Variants in MPV17L observed in about 807,000 individuals in gnomAD.
MPV17L encodes mpv17-like protein.
MPV17L carries 24 observed loss-of-function variants against 25.8 expected under a neutral mutation model. The ratio of observed to expected loss-of-function variants is 0.93; its 90% confidence interval spans 0.67 to 1.31. The LOEUF (loss-of-function observed/expected upper bound fraction) is 1.31. Among genes scored for constraint, MPV17L ranks in the 50% most tolerant of loss-of-function variants. The pLI, the probability that MPV17L is intolerant of heterozygous loss-of-function variation, is 0.00. For synonymous variants in MPV17L, 102 were observed against 115.3 expected, an observed-to-expected ratio of 0.88 and a Z score of 0.74; for missense variants, 250 against 265.6, an observed-to-expected ratio of 0.94 and a Z score of 0.41.
In MPV17L at chr16:15,411,068, T is replaced by C. The variant is rs112764345; in HGVS notation, c.*2956T>C. 3.3e-5 allele frequency: 5 copies of C among 152,178 alleles called. No individual in the cohort carries two copies. Among genetic ancestry groups the C allele is most frequent in the African/African-American group, 1.2e-4 (5 of 41,506 alleles). The allele number at this position is 152,178 out of a possible 1,614,324, so 9.4% of individuals were successfully genotyped here. A position where few individuals can be genotyped will look rare whatever the true frequency, so the allele number is the denominator to read the frequency against. On this transcript the variant is annotated 3_prime_UTR_variant, in exon 4 of 4. Transcript: ENST00000396385. ...TAACATGGTGAAACGCCATCTCTAC[T>C]AAAAATACAAAAAATTAGCTGGGCA...
At chr16:15,402,159 A>G (rs1315822584) in intron 2 of MPV17L, among the ~76,000 whole-genome samples, 6 of 152,156 alleles carry the variant, frequency 3.9e-5, no homozygotes, top group Admixed American at 2.0e-4. Context: ...TTTGAAGCAA[A>G]TCAGCATTTT....
rs2050703677 is a variant in MPV17L, at chr16:15,408,609, T to G, written c.*497T>G. 2 of 145,258 alleles carry G rather than the reference T, an allele frequency of 1.4e-5. No individual in the cohort carries two copies. The highest frequency in any genetic ancestry group is 7.0e-5 in the Admixed American group (1 of 14,260). The allele number at this position is 145,258 out of a possible 1,614,324, so 9.0% of individuals were successfully genotyped here. On this transcript the variant is annotated 3_prime_UTR_variant, in exon 4 of 4. Transcript: ENST00000396385. ...GTTATTTTAGTAAATACCTTTTTTT[T>G]TTTTTTTTTTTTTGTGGTGGAGTCT...
rs1252526415 is a variant in MPV17L, at chr16:15,410,489, T to C, written c.*2377T>C. On this transcript the variant is annotated 3_prime_UTR_variant, in exon 4 of 4. Transcript: ENST00000396385. ...TGGCATGAACCCGGGAGGCAGAGAT[T>C]GCAGTGAGCTGAGATTGTGCCACTG... 1 of 152,070 alleles carries C rather than the reference T, an allele frequency of 6.6e-6. No individual in the cohort carries two copies. Among genetic ancestry groups the C allele is most frequent in the African/African-American group, 2.4e-5 (1 of 41,396 alleles). 9.4% of individuals were successfully genotyped at this position (152,070 alleles called of 1,614,324 possible).
Position 15,409,895 on chromosome 16 carries a change from C to A in MPV17L, c.*1783C>A, listed in dbSNP as rs2150909451. 6.6e-6 allele frequency: 1 copy of A among 152,280 alleles called. No homozygotes were observed. The highest frequency in any genetic ancestry group is 1.5e-5 in the Non-Finnish European group (1 of 68,022). The allele number at this position is 152,280 out of a possible 1,614,324, so 9.4% of individuals were successfully genotyped here. On this transcript the variant is annotated 3_prime_UTR_variant, in exon 4 of 4. Transcript: ENST00000396385. Reference sequence around the variant, plus strand: ...GTAGAATGTATTTTATTGATGTCTTCTATTTTTATAATTTTTAATGAATGC... The same window carrying A: ...GTAGAATGTATTTTATTGATGTCTTATATTTTTATAATTTTTAATGAATGC...
intron 2 of MPV17L, among the ~76,000 whole-genome samples, chr16:15,403,530 T>C (rs546420212): frequency 1.3e-5 from 2 of 151,628 alleles, no homozygotes; most frequent in African/African-American, 2.4e-5. Context: ...ATAAATTAGC[T>C]GGGCATAGTT....
At chr16:15,400,579 G>T (rs1270259701) in intron 1 of MPV17L, among the ~76,000 whole-genome samples, 2 of 151,950 alleles carry the variant, frequency 1.3e-5, no homozygotes, top group East Asian at 3.9e-4. Context: ...TTAACTCCTG[G>T]ACTCAAGCAA....
chr16:15,404,926 G>A (rs1189052902), intron 2 of MPV17L, among the ~76,000 whole-genome samples: 4 of 152,212 alleles, frequency 2.6e-5, no homozygotes, highest in Admixed American at 2.6e-4. Context: ...GAAGCACAGA[G>A]GAGAGTTCAT....
chr16:15,408,056 T>G lies in MPV17L; in HGVS notation c.535T>G (p.Phe179Val), dbSNP rs1198011898. 2 of 1,613,540 alleles carry G rather than the reference T, an allele frequency of 1.2e-6. No individual in the cohort carries two copies. ...TGGTGACGGCACATTCAAGTCAGCTTTCACCATTTTATATACAAAGGGGAC... is the reference window on the plus strand; with the variant it reads ...TGGTGACGGCACATTCAAGTCAGCTGTCACCATTTTATATACAAAGGGGAC... ...QSGDGTFKSA[F>V]TILYTKGTSA... The change falls in exon 4 of 4, where the codon TTC (phenylalanine) becomes GTC (valine). Residue 179 changes from phenylalanine (F) to valine (V), a missense_variant. Physicochemically the swap from Phe to Val is conservative, Grantham distance 50. Transcript: ENST00000396385.
At chr16:15,398,596 T>TTC (rs2050607279) in intron 1 of MPV17L, among the ~76,000 whole-genome samples, 1 of 150,630 alleles carries the variant, frequency 6.6e-6, no homozygotes, top group East Asian at 1.9e-4. Context: ...CTTTCTTTTT[T>TTC]TTTTTTTTTG....
At chr16:15,399,301 C>T in intron 1 of MPV17L, 1 of 410,278 alleles carries the variant, frequency 2.4e-6, no homozygotes, top group South Asian at 1.8e-5. Context: ...CTTATATTCC[C>T]TCCCTCCTAA....
chr16:15,397,405 T>C (rs1024420733), intron 1 of MPV17L, among the ~76,000 whole-genome samples: 1 of 152,064 alleles, frequency 6.6e-6, no homozygotes, highest in African/African-American at 2.4e-5. Flanking sequence ...CCGCCCAGGG[T>C]TGGGGAAGAA....
At chr16:15,403,294 G>A (rs1377121530) in intron 2 of MPV17L, among the ~76,000 whole-genome samples, 6 of 151,102 alleles carry the variant, frequency 4.0e-5, no homozygotes, top group Non-Finnish European at 7.4e-5. Context: ...ACTTGAACCC[G>A]GGAGGCAGAG....
rs559552708 is a variant in MPV17L at position 15,408,869 on chromosome 16, C to G, written c.*757C>G. ...GTGAGATCTCGGCTCACTGCAAGCT[C>G]CGCCTCCCGGGTTCACGCCATTCTG... On this transcript the variant is annotated 3_prime_UTR_variant, in exon 4 of 4. Transcript: ENST00000396385. 1.3e-5 allele frequency: 2 copies of G among 151,614 alleles called. No homozygotes were observed. The highest frequency in any genetic ancestry group is 4.9e-5 in the African/African-American group (2 of 41,232). The allele number at this position is 151,614 out of a possible 1,614,324, so 9.4% of individuals were successfully genotyped here.
rs1288353914 is a variant in MPV17L at position 15,411,750 on chromosome 16, T to A, written c.*3638T>A. ...AGGTGGATCGGTTGAGGTCAGGAGT[T>A]CAAGACCAGCATGGCCAACACAGTG... On this transcript the variant is annotated 3_prime_UTR_variant, in exon 4 of 4. Coordinates refer to ENST00000396385, the MANE Select transcript of MPV17L (RefSeq NM_001128423.2). 6.6e-6 allele frequency: 1 copy of A among 151,748 alleles called. No homozygotes were observed. The highest frequency in any genetic ancestry group is 2.4e-5 in the African/African-American group (1 of 41,290). 9.4% of individuals were successfully genotyped at this position (151,748 alleles called of 1,614,324 possible). A position where few individuals can be genotyped will look rare whatever the true frequency, so the allele number is the denominator to read the frequency against.
intron 2 of MPV17L, among the ~76,000 whole-genome samples, chr16:15,401,082 ATATATTT>A (rs1191384930): frequency 3.1e-5 from 1 of 32,620 alleles, no homozygotes; most frequent in African/African-American, 8.4e-5. Flanking sequence ...ATATATATAT[ATATATTT>A]TTTTTTTTTT....
chr16:15,410,833 G>A lies in MPV17L; in HGVS notation c.*2721G>A, dbSNP rs375256890. On this transcript the variant is annotated 3_prime_UTR_variant, in exon 4 of 4. Coordinates refer to ENST00000396385, the MANE Select transcript of MPV17L (RefSeq NM_001128423.2). ...TATATTTTACATTATTGGGACCATAGTACAGAAATTTCTAAATGGTTTGTA... is the reference window on the plus strand; with the variant it reads ...TATATTTTACATTATTGGGACCATAATACAGAAATTTCTAAATGGTTTGTA... 3.9e-5 allele frequency: 6 copies of A among 152,142 alleles called. No individual in the cohort carries two copies. Among genetic ancestry groups the A allele is most frequent in the African/African-American group, 1.4e-4 (6 of 41,418 alleles). The allele number at this position is 152,142 out of a possible 1,614,324, so 9.4% of individuals were successfully genotyped here. A position where few individuals can be genotyped will look rare whatever the true frequency, so the allele number is the denominator to read the frequency against.
chr16:15,402,486 T>C (rs1288283847), intron 2 of MPV17L, among the ~76,000 whole-genome samples: 2 of 152,160 alleles, frequency 1.3e-5, no homozygotes, highest in South Asian at 2.1e-4. Flanking sequence ...CCAGCATTAC[T>C]TGATGGCTAG....
In MPV17L at chr16:15,400,818, AT is replaced by A; in HGVS notation, c.347del (p.Leu116TrpfsTer3). 6.2e-7 allele frequency: 1 copy of A among 1,604,280 alleles called. No homozygotes were observed. ...MSILQGKDDI[F>X]LDLKQKFWNT... ...GCATTCTCCAAGGAAAGGATGACAT[AT>A]TTTTGGACCTGAAACAGAAATTCTG... On this transcript the variant is annotated frameshift_variant, in exon 2 of 4. Coordinates refer to ENST00000396385, the MANE Select transcript of MPV17L (RefSeq NM_001128423.2). LOFTEE classifies it high-confidence loss of function.
At chr16:15,398,442 A>C (rs2050605819) in intron 1 of MPV17L, among the ~76,000 whole-genome samples, 1 of 152,038 alleles carries the variant, frequency 6.6e-6, no homozygotes, top group Non-Finnish European at 1.5e-5. Context: ...TGATGCTCTC[A>C]TGGTGGGAAG....
Sources: gnomAD v4.1 joint callset for allele counts (sites outside exome capture counted in the v4.1 genomes callset) on GRCh38, gnomAD v4.1.1 for gene constraint, MANE v1.5 for transcripts, NCBI Gene and HGNC (gene_info 2026-07-23, HGNC 2026-07-21) for gene names.